PTK2: variants seen among roughly 807,000 people sequenced by gnomAD.
PTK2 encodes focal adhesion kinase 1.
Under a neutral mutation model 150.1 loss-of-function variants are expected in PTK2, and 45 were observed. That is an observed-to-expected ratio of 0.30 (90% confidence interval 0.24 to 0.38). The LOEUF is 0.38. Among genes scored for constraint, PTK2 ranks in the 10% least tolerant of loss-of-function variants. The pLI is 1.00. For missense variants in PTK2, 919 were observed against 1,307.3 expected (o/e 0.70, Z 4.58); for synonymous variants, 432 against 449.2 (o/e 0.96, Z 0.48).
chr8:140,681,459 T>C (rs1450198362), intron 27 of PTK2, among the ~76,000 whole-genome samples: 1 of 150,766 alleles, frequency 6.6e-6, no homozygotes, highest in Non-Finnish European at 1.5e-5. Context: ...TGCTTCCTTA[T>C]GTTGAAGAAA....
chr8:140,732,721 T>C (rs748085238), intron 22 of PTK2: 4 of 359,828 alleles, frequency 1.1e-5, no homozygotes, highest in Non-Finnish European at 2.3e-5. Context: ...TCAACAGTGT[T>C]TATCGAACTG....
intron 2 of PTK2, chr8:140,920,841 T>C (rs1271745903): frequency 6.6e-7 from 1 of 1,526,206 alleles, no homozygotes. Context: ...GGAAATGGAC[T>C]ACATCCGCTT....
At chr8:140,733,415 A>G (rs2100050709) in intron 22 of PTK2, among the ~76,000 whole-genome samples, 1 of 152,162 alleles carries the variant, frequency 6.6e-6, no homozygotes, top group Non-Finnish European at 1.5e-5. Flanking sequence ...ATGAGAGAAA[A>G]TGGGAGAAAA....
At chr8:140,894,129 A>G (rs935694233) in intron 2 of PTK2, among the ~76,000 whole-genome samples, 2 of 152,160 alleles carry the variant, frequency 1.3e-5, no homozygotes, top group African/African-American at 2.4e-5. Context: ...TCTGAACTAG[A>G]TAAGGTCATA....
intron 1 of PTK2, among the ~76,000 whole-genome samples, chr8:140,949,125 AATATTTCTTAATATTTCT>A (rs1249250148): frequency 2.6e-5 from 4 of 152,020 alleles, no homozygotes; most frequent in South Asian, 2.1e-4. Flanking sequence ...ATATTTTCTT[AATATTTCTTAATATTTCT>A]ATATTTCTTA....
intron 28 of PTK2, among the ~76,000 whole-genome samples, chr8:140,674,898 A>AG (rs1554661642): frequency 3.9e-4 from 59 of 150,238 alleles, no homozygotes; most frequent in African/African-American, 7.1e-4. Context: ...ATTAAAAAAA[A>AG]AAAAGAAAAG....
At chr8:140,879,676 GAAAAAAAAAAAAAAA>G in intron 3 of PTK2, 39 bp from the exon 4 acceptor site, 2 of 33,816 alleles carry the variant, frequency 5.9e-5, no homozygotes, top group Non-Finnish European at 8.9e-5. Context: ...GTTATAAACT[GAAAAAAAAAAAAAAA>G]AAAAAAAAAA....
chr8:140,819,063 T>C (rs946369902), intron 8 of PTK2, 43 bp from the exon 9 acceptor site: 3 of 1,600,422 alleles, frequency 1.9e-6, no homozygotes, highest in Non-Finnish European at 2.6e-6. Context: ...AAATCAGCAA[T>C]GAGTAAAGAC....
intron 6 of PTK2, 72 bp downstream of exon 6, chr8:140,846,527 A>AG (rs771176680): frequency 6.1e-6 from 8 of 1,318,010 alleles, no homozygotes; most frequent in South Asian, 1.3e-5. Context: ...GAAAAGGAAA[A>AG]TACCTGGAAA....
Position 140,789,446 on chromosome 8 carries a change from T to C in PTK2, c.1177+28A>G, listed in dbSNP as rs1219904425. On this transcript the variant is annotated intron_variant, in intron 14 of 31. Transcript: ENST00000522684. ...TCGTCTTACCCCATGAGAGTGCTTT[T>C]CGAGGTCTGCTACCTAGAGCCCCTT... 1.9e-6 allele frequency: 3 copies of C among 1,609,748 alleles called. No individual in the cohort carries two copies. The African/African-American group carries it at 4.0e-5, about 22-fold the overall frequency.
intron 15 of PTK2, among the ~76,000 whole-genome samples, chr8:140,761,803 T>G (rs555307954): frequency 1.3e-5 from 2 of 152,204 alleles, no homozygotes; most frequent in East Asian, 3.9e-4. Context: ...TAAAAGAGTT[T>G]AAAGAGGTAG....
intron 14 of PTK2, among the ~76,000 whole-genome samples, chr8:140,786,382 C>A (rs1289244082): frequency 6.6e-6 from 1 of 152,098 alleles, no homozygotes; most frequent in Non-Finnish European, 1.5e-5. Context: ...TACGGTGTTT[C>A]CAGGTTGGCA....
chr8:140,892,004 G>T (rs2100154411), intron 2 of PTK2, among the ~76,000 whole-genome samples: 1 of 151,814 alleles, frequency 6.6e-6, no homozygotes, highest in Admixed American at 6.6e-5. Flanking sequence ...CCAGGAGTTT[G>T]AGACCAGTCT....
At chr8:140,904,310 C>T (rs1038789901) in intron 2 of PTK2, among the ~76,000 whole-genome samples, 2 of 152,090 alleles carry the variant, frequency 1.3e-5, no homozygotes, top group Non-Finnish European at 2.9e-5. Flanking sequence ...TATTGATTTG[C>T]GTTTGTTGAA....
At chr8:140,686,899 A>G in intron 26 of PTK2, 1 of 561,914 alleles carries the variant, frequency 1.8e-6, no homozygotes, top group East Asian at 3.1e-5. Context: ...ACACACGCAC[A>G]CCTTACAGAC....
Position 140,671,668 on chromosome 8 carries a change from C to T in PTK2, c.2709+2630G>A, listed in dbSNP as rs548931841. Among the ~76,000 whole-genome samples, 12 of 150,120 alleles carry T rather than the reference C, an allele frequency of 8.0e-5. No homozygotes were observed. The South Asian group carries it at 1.7e-3, about 21-fold the overall frequency. On this transcript the variant is annotated intron_variant, in intron 29 of 31. Coordinates refer to ENST00000522684, the Ensembl canonical transcript of PTK2. Reference sequence around the variant, plus strand: ...GTGGCTCATGCCTGTAATCCCAGCACTTTGGGAGGCCGAGGCGGGCGGATC... The same window carrying T: ...GTGGCTCATGCCTGTAATCCCAGCATTTTGGGAGGCCGAGGCGGGCGGATC...
At chr8:140,693,267 T>C (rs1179509097) in intron 26 of PTK2, among the ~76,000 whole-genome samples, 2 of 151,612 alleles carry the variant, frequency 1.3e-5, no homozygotes, top group African/African-American at 4.8e-5. Flanking sequence ...GAAAAGGGAG[T>C]GTGGGGCCAG....
intron 23 of PTK2, among the ~76,000 whole-genome samples, chr8:140,707,001 A>G (rs1310246688): frequency 6.6e-6 from 1 of 152,260 alleles, no homozygotes; most frequent in African/African-American, 2.4e-5. Flanking sequence ...TATACCTACG[A>G]AAGGGACATT....
intron 1 of PTK2, among the ~76,000 whole-genome samples, chr8:140,986,358 T>C (rs1015953516): frequency 5.9e-5 from 9 of 152,252 alleles, no homozygotes; most frequent in Non-Finnish European, 1.2e-4. Flanking sequence ...CAATGTTATT[T>C]GGTCCAACCC....
Sources: allele counts gnomAD v4.1 joint callset (sites outside exome capture counted in the v4.1 genomes callset), GRCh38; gene constraint gnomAD v4.1.1; transcripts MANE v1.5; gene names NCBI Gene and HGNC (gene_info 2026-07-23, HGNC 2026-07-21).